The following FAAH variants were observed in gnomAD, a reference collection of about 807,000 sequenced individuals.
The protein encoded by FAAH is fatty-acid amide hydrolase 1.
In FAAH, 63 loss-of-function variants were observed where a neutral mutation model predicts 69.7. That is an observed-to-expected ratio of 0.90 (90% CI 0.74 to 1.12). The LOEUF (loss-of-function observed/expected upper bound fraction) is 1.12. Ranked by LOEUF, FAAH falls within the 50% of genes most tolerant of loss-of-function variation. The pLI, the probability that FAAH is intolerant of heterozygous loss-of-function variation, is 0.00. For synonymous variants in FAAH, 305 were observed against 324.2 expected (o/e 0.94, Z 0.64); for missense variants, 680 against 755.0 (o/e 0.90, Z 1.16).
chr1:46,400,173 G>A (rs1664671841), intron 1 of FAAH, among the ~76,000 whole-genome samples: 1 of 151,192 alleles, frequency 6.6e-6, no homozygotes, highest in Non-Finnish European at 1.5e-5. Context: ...GCAGGCGCCA[G>A]GCTCTGGGGT....
At chr1:46,408,410 A>G in intron 7 of FAAH, 49 bp from the exon 8 acceptor site, 1 of 1,613,440 alleles carries the variant, frequency 6.2e-7, no homozygotes, top group Non-Finnish European at 8.5e-7. Context: ...GGTCCTGCCT[A>G]GGGTTGTCTT....
At chr1:46,413,392 G>A (rs1454629925) in intron 14 of FAAH, 55 bp from the exon 15 acceptor site, 18 of 1,613,278 alleles carry the variant, frequency 1.1e-5, no homozygotes, top group Non-Finnish European at 1.4e-5. Context: ...TCCTGGGCCT[G>A]GGGGTGGGGA....
chr1:46,400,420 C>T (rs1316837862), intron 1 of FAAH, among the ~76,000 whole-genome samples: 1 of 149,964 alleles, frequency 6.7e-6, no homozygotes, highest in African/African-American at 2.5e-5. Flanking sequence ...CCGCGTGTGA[C>T]CTAGGAGACA....
chr1:46,394,598 C>G (rs1664564014), intron 1 of FAAH, 55 bp downstream of exon 1: 3 of 1,269,034 alleles, frequency 2.4e-6, no homozygotes, highest in South Asian at 5.5e-5. Context: ...CGCAGCGGCA[C>G]TTTCAGCCGC....
Position 46,405,885 on chromosome 1 carries a change from TC to T in FAAH, c.785+93del. 1 of 1,606,448 alleles carries T rather than the reference TC, an allele frequency of 6.2e-7. No individual in the cohort carries two copies. Among genetic ancestry groups the T allele is most frequent in the Non-Finnish European group, 8.5e-7 (1 of 1,177,098 alleles). On this transcript the variant is annotated intron_variant, in intron 5 of 14. Coordinates refer to ENST00000243167, the MANE Select transcript of FAAH (RefSeq NM_001441.3). This position sits in a 1 kb window ranked among gnomAD's most constrained non-coding sequence, Gnocchi z 4.1. Reference sequence around the variant, plus strand: ...CTGGGCTCCAGGCGGGGATTCGGTCTCCGGGGTTTTGCTGGGAGGAAGCATT... The same window carrying T: ...CTGGGCTCCAGGCGGGGATTCGGTCTCGGGGTTTTGCTGGGAGGAAGCATT...
At chr1:46,412,037 G>C in intron 12 of FAAH, 106 bp from the exon 13 acceptor site, 1 of 950,306 alleles carries the variant, frequency 1.1e-6, no homozygotes, top group Non-Finnish European at 1.7e-6. Context: ...TCAGATCCAG[G>C]GGCAGGTGCT....
intron 1 of FAAH, among the ~76,000 whole-genome samples, chr1:46,396,606 T>C (rs1190209846): frequency 7.0e-6 from 1 of 142,716 alleles, no homozygotes; most frequent in African/African-American, 2.5e-5. Flanking sequence ...GCGATGACTT[T>C]TTGCCAAGCA....
Position 46,402,117 on chromosome 1 carries a change from G to A in FAAH, c.222G>A (p.Leu74=), listed in dbSNP as rs201269326. ...LQNPDLDSEA[L]LALPLPQLVQ... Reference sequence around the variant, plus strand: ...ACCCAGACCTGGACTCAGAGGCGCTGCTAGCCCTGCCCCTGCCTCAGCTGG... The same window carrying A: ...ACCCAGACCTGGACTCAGAGGCGCTACTAGCCCTGCCCCTGCCTCAGCTGG... The change falls in exon 2 of 15, where the codon CTG becomes CTA. Residue 74 remains leucine, a synonymous_variant. Transcript: ENST00000243167. 9.3e-6 allele frequency: 15 copies of A among 1,609,626 alleles called. No individual in the cohort carries two copies. Among genetic ancestry groups the A allele is most frequent in the Non-Finnish European group, 1.3e-5 (15 of 1,177,972 alleles).
In FAAH at chr1:46,409,091, A is replaced by T; in HGVS notation, c.1078-10A>T. On this transcript the variant is annotated splice_polypyrimidine_tract_variant and intron_variant, in intron 8 of 14. Coordinates refer to ENST00000243167, the MANE Select transcript of FAAH (RefSeq NM_001441.3). ...AGGTCAGGAGGCCTTACACCCCTCAATCCCTGCAGCTGGTTCCCTTCTTGC... is the reference window on the plus strand; with the variant it reads ...AGGTCAGGAGGCCTTACACCCCTCATTCCCTGCAGCTGGTTCCCTTCTTGC... 1 of 1,613,036 alleles carries T rather than the reference A, an allele frequency of 6.2e-7. No individual in the cohort carries two copies. The highest frequency in any genetic ancestry group is 2.2e-5 in the East Asian group (1 of 44,844).
In FAAH at chr1:46,412,147, A is replaced by C. The variant is rs1377452072; in HGVS notation, c.1361A>C (p.Tyr454Ser). 1 of 1,558,208 alleles carries C rather than the reference A, an allele frequency of 6.4e-7. No homozygotes were observed. The highest frequency in any genetic ancestry group is 8.7e-7 in the Non-Finnish European group (1 of 1,150,656). Residue 454 changes from tyrosine (Y) to serine (S), a missense_variant, in exon 13 of 15, where the codon TAC becomes TCC. Transcript: ENST00000243167. ...LWELQHEIEVYRKTVIAQWRA... is the reference protein window; with the variant it reads ...LWELQHEIEVSRKTVIAQWRA... ...GGTGTGTTGTGTCCTCCGCAGGTGT[A>C]CCGCAAAACCGTGATTGCCCAGTGG...
At chr1:46,395,670 T>G (rs1202662180) in intron 1 of FAAH, among the ~76,000 whole-genome samples, 1 of 152,162 alleles carries the variant, frequency 6.6e-6, no homozygotes, top group East Asian at 1.9e-4. Context: ...AGGGTGTGCC[T>G]GGGTGGGAGA....
chr1:46,407,630 G>A (rs1280681782), intron 7 of FAAH, among the ~76,000 whole-genome samples: 1 of 152,078 alleles, frequency 6.6e-6, no homozygotes, highest in African/African-American at 2.4e-5. Context: ...CGTTGGGGTT[G>A]AAGGCCAGAA....
rs1664909756 is a variant in FAAH, at chr1:46,411,346, C to G, written c.1317-266C>G. On this transcript the variant is annotated intron_variant, in intron 11 of 14. Coordinates refer to ENST00000243167, the MANE Select transcript of FAAH (RefSeq NM_001441.3). The surrounding 1 kb of genome is among the most constrained non-coding windows in gnomAD (Gnocchi z 4.8). Reference sequence around the variant, plus strand: ...CTTCAGGACTGGCAGCAGCTATGGCCTCTCCCGTGTCCTGAGGGTAGCGAG... The same window carrying G: ...CTTCAGGACTGGCAGCAGCTATGGCGTCTCCCGTGTCCTGAGGGTAGCGAG... Among the ~76,000 whole-genome samples, 1 of 152,250 alleles carries G rather than the reference C, an allele frequency of 6.6e-6. No individual in the cohort carries two copies. The highest frequency in any genetic ancestry group is 2.4e-5 in the African/African-American group (1 of 41,464).
intron 6 of FAAH, 67 bp from the exon 7 acceptor site, chr1:46,406,177 C>T (rs1439293999): frequency 6.2e-7 from 1 of 1,613,912 alleles, no homozygotes; most frequent in Non-Finnish European, 8.5e-7. Context: ...GTCTGGCCCC[C>T]AGGCTGCTCT....
intron 1 of FAAH, among the ~76,000 whole-genome samples, chr1:46,398,389 A>G (rs1474550031): frequency 6.6e-6 from 1 of 152,042 alleles, no homozygotes; most frequent in African/African-American, 2.4e-5. Context: ...TGTCTGGGCA[A>G]CCTTTCTTCT....
chr1:46,403,281 C>T (rs1012669746), intron 2 of FAAH, among the ~76,000 whole-genome samples: 1 of 152,014 alleles, frequency 6.6e-6, no homozygotes, highest in Non-Finnish European at 1.5e-5. Flanking sequence ...TAGACATGCA[C>T]CCCCATGCTT....
rs143828765 is a variant in FAAH at position 46,405,079 on chromosome 1, G to A, written c.375G>A (p.Leu125=). ...TSYLADCETQ[L]SQAPRQGLLY... ...ATCTGGCTGACTGTGAGACTCAGCT[G>A]TCTCAGGCCCCAAGGCAGGGCCTGC... The change falls in exon 3 of 15, where the codon CTG becomes CTA. Residue 125 remains leucine, a synonymous_variant. Coordinates refer to ENST00000243167, the MANE Select transcript of FAAH (RefSeq NM_001441.3). This position sits in a 1 kb window ranked among gnomAD's most constrained non-coding sequence, Gnocchi z 4.1. The A allele has an allele frequency of 1.2e-6, 2 of 1,614,048 alleles. No homozygotes were observed. Among genetic ancestry groups the A allele is most frequent in the African/African-American group, 2.7e-5 (2 of 75,058 alleles).
At chr1:46,397,598 G>A (rs45540335) in intron 1 of FAAH, among the ~76,000 whole-genome samples, 17,384 of 152,166 alleles carry the variant, frequency 0.11, 1,326 homozygotes, top group South Asian at 0.39. Context: ...GTCTTGCTCT[G>A]TCGCCCAGGC....
rs1277775196 is a variant in FAAH, at chr1:46,410,347, T to TG, written c.1176-48dup. ...ATTGCTGTGGGCCGGGCGAGCAAGC[T>TG]GGGAAGGATGTGGGGATGGGAGTGC... On this transcript the variant is annotated intron_variant, in intron 9 of 14. Coordinates refer to ENST00000243167, the MANE Select transcript of FAAH (RefSeq NM_001441.3). The surrounding 1 kb of genome is among the most constrained non-coding windows in gnomAD (Gnocchi z 4.9). 4.0e-6 allele frequency: 6 copies of TG among 1,483,130 alleles called. No individual in the cohort carries two copies. In the Admixed American group the frequency reaches 1.0e-4, roughly 25 times the overall value. The allele number at this position is 1,483,130 out of a possible 1,614,324, so 91.9% of individuals were successfully genotyped here. A position where few individuals can be genotyped will look rare whatever the true frequency, so the allele number is the denominator to read the frequency against.
Sources: allele counts gnomAD v4.1 joint callset (sites outside exome capture counted in the v4.1 genomes callset), GRCh38; gene constraint gnomAD v4.1.1; non-coding constraint Gnocchi (gnomAD v3.1); transcripts MANE v1.5; gene names NCBI Gene and HGNC (gene_info 2026-07-23, HGNC 2026-07-21).